The following SMAD9 variants were observed in gnomAD, a reference collection of about 807,000 sequenced individuals.
SMAD9 encodes MAD homolog 9.
Under a neutral mutation model 46.1 loss-of-function variants are expected in SMAD9, and 36 were observed. The ratio of observed to expected loss-of-function variants is 0.78; its 90% CI spans 0.60 to 1.03. The LOEUF is 1.03. SMAD9 is among the 50% of genes least tolerant of loss of function. The pLI is 0.00. For synonymous variants in SMAD9, 245 were observed against 237.1 expected (o/e 1.03, Z -0.31); for missense variants, 572 against 599.8 (o/e 0.95, Z 0.48).
rs1461451229 is a variant in SMAD9 at position 36,846,355 on chromosome 13, G to A, written c.*2321C>T. 6.6e-6 allele frequency: 1 copy of A among 151,172 alleles called. No individual in the cohort carries two copies. The highest frequency in any genetic ancestry group is 1.5e-5 in the Non-Finnish European group (1 of 68,000). The allele number at this position is 151,172 out of a possible 1,614,324, so 9.4% of individuals were successfully genotyped here. ...AATTAGCTGGGCGTGGTAGCCTGTA[G>A]TCCCAACTACTTGGGAGGCTGAGGC... On this transcript the variant is annotated 3_prime_UTR_variant, in exon 7 of 7. Coordinates refer to ENST00000379826, the MANE Select transcript of SMAD9 (RefSeq NM_001127217.3).
chr13:36,860,110 A>C (rs1344255961), intron 5 of SMAD9, among the ~76,000 whole-genome samples: 2 of 152,146 alleles, frequency 1.3e-5, no homozygotes, highest in African/African-American at 2.4e-5. Flanking sequence ...GATTTGCCTT[A>C]AATTCTTTCT....
chr13:36,847,808 G>C lies in SMAD9; in HGVS notation c.*868C>G, dbSNP rs1232807182. 6.6e-6 allele frequency: 1 copy of C among 152,212 alleles called. No homozygotes were observed. The highest frequency in any genetic ancestry group is 1.5e-5 in the Non-Finnish European group (1 of 68,044). 9.4% of individuals were successfully genotyped at this position (152,212 alleles called of 1,614,324 possible). A position where few individuals can be genotyped will look rare whatever the true frequency, so the allele number is the denominator to read the frequency against. ...TTCTTGACACAGGACTGAAACACAA[G>C]CTATTCTGGCACGCTGCGCAGACTC... On this transcript the variant is annotated 3_prime_UTR_variant, in exon 7 of 7. Coordinates refer to ENST00000379826, the MANE Select transcript of SMAD9 (RefSeq NM_001127217.3).
chr13:36,896,705 C>T (rs980003775), intron 1 of SMAD9, among the ~76,000 whole-genome samples: 6 of 151,994 alleles, frequency 3.9e-5, no homozygotes, highest in African/African-American at 1.2e-4. Flanking sequence ...CTAAAAAAGG[C>T]GGCTCAAATA....
At position 36,853,571 on chromosome 13, in the gene SMAD9, G is replaced by C; in HGVS notation, c.1108C>G (p.Pro370Ala). Residue 370 changes from proline to alanine, a missense_variant, in exon 6 of 7, where the codon CCA becomes GCA. By Grantham distance (27) the Pro-to-Ala change is conservative. Coordinates refer to ENST00000379826, the MANE Select transcript of SMAD9 (RefSeq NM_001127217.3). The stretch of plus-strand genomic sequence containing the variant: ...CTGGGGATCTTGCAGACGGTAGCTG[G>C]GTGGAAGCCGTGTTGATAGTTGCAG... ...RNCNYQHGFH[P>A]ATVCKIPSGC... 6.2e-7 allele frequency: 1 copy of C among 1,614,176 alleles called. No homozygotes were observed. Among genetic ancestry groups the C allele is most frequent in the Non-Finnish European group, 8.5e-7 (1 of 1,180,034 alleles).
intron 5 of SMAD9, among the ~76,000 whole-genome samples, chr13:36,858,941 G>A (rs904106177): frequency 1.3e-5 from 2 of 151,970 alleles, no homozygotes; most frequent in African/African-American, 4.8e-5. Flanking sequence ...GAACTCCTAC[G>A]CTCAAGCAAT....
intron 6 of SMAD9, chr13:36,849,844 A>C (rs1482217483): frequency 6.6e-6 from 1 of 152,114 alleles, no homozygotes; most frequent in Non-Finnish European, 1.5e-5. Flanking sequence ...CTTCCCAGAG[A>C]CATCATTCCA....
intron 5 of SMAD9, among the ~76,000 whole-genome samples, chr13:36,864,480 G>A (rs904144782): frequency 2.0e-5 from 3 of 152,188 alleles, no homozygotes; most frequent in Admixed American, 2.0e-4. Flanking sequence ...AACCCTTATG[G>A]ATGACATATC....
At chr13:36,852,082 CA>C (rs1373415425) in intron 6 of SMAD9, 1 of 974,842 alleles carries the variant, frequency 1.0e-6, no homozygotes, top group African/African-American at 1.8e-5. Flanking sequence ...TATATGCTTT[CA>C]AAACACTAAA....
Position 36,920,169 on chromosome 13 carries a change from C to G in SMAD9, c.-240G>C, listed in dbSNP as rs1468794273. On this transcript the variant is annotated 5_prime_UTR_variant, in exon 1 of 7. Coordinates refer to ENST00000379826, the MANE Select transcript of SMAD9 (RefSeq NM_001127217.3). ...AGGGCCCGGCGGCGGCGGCGGGGAC[C>G]GAGACAGCGGCTGCAGCAGCGGCGG... 6.8e-6 allele frequency: 1 copy of G among 147,400 alleles called. No homozygotes were observed. Among genetic ancestry groups the G allele is most frequent in the Non-Finnish European group, 1.4e-5 (1 of 72,418 alleles). The allele number at this position is 147,400 out of a possible 1,614,324, so 9.1% of individuals were successfully genotyped here.
chr13:36,918,830 G>A (rs1036258272), intron 1 of SMAD9, among the ~76,000 whole-genome samples: 1 of 152,216 alleles, frequency 6.6e-6, no homozygotes, highest in African/African-American at 2.4e-5. Context: ...AGACATGCTT[G>A]TAGTAGTCAC....
At chr13:36,882,238 T>C (rs2058409615) in intron 1 of SMAD9, among the ~76,000 whole-genome samples, 1 of 147,094 alleles carries the variant, frequency 6.8e-6, no homozygotes, top group South Asian at 2.1e-4. Context: ...TGTGTGTGTG[T>C]GTGTGTGTGT....
At chr13:36,899,030 CA>C (rs972237000) in intron 1 of SMAD9, among the ~76,000 whole-genome samples, 7 of 150,394 alleles carry the variant, frequency 4.7e-5, no homozygotes, top group South Asian at 4.2e-4. Context: ...AGAAATCTAC[CA>C]AAAAAAAATT....
intron 1 of SMAD9, among the ~76,000 whole-genome samples, chr13:36,893,125 A>G (rs971840402): frequency 4.6e-5 from 7 of 152,142 alleles, no homozygotes; most frequent in African/African-American, 1.7e-4. Flanking sequence ...TGTATATTAT[A>G]AGACATAGCA....
At chr13:36,918,645 T>C (rs1330547697) in intron 1 of SMAD9, among the ~76,000 whole-genome samples, 1 of 152,250 alleles carries the variant, frequency 6.6e-6, no homozygotes, top group Non-Finnish European at 1.5e-5. Flanking sequence ...CAGTCTAAAA[T>C]TGTGCTGATG....
At chr13:36,854,751 G>A (rs188780431) in intron 5 of SMAD9, among the ~76,000 whole-genome samples, 14 of 152,222 alleles carry the variant, frequency 9.2e-5, no homozygotes, top group Middle Eastern at 3.4e-3. Context: ...ACCTACCTCA[G>A]AGGAAACAAT....
At chr13:36,911,628 G>T (rs1054307779) in intron 1 of SMAD9, among the ~76,000 whole-genome samples, 31 of 118,314 alleles carry the variant, frequency 2.6e-4, no homozygotes, top group Non-Finnish European at 3.8e-4. Context: ...GGGGGGGGGG[G>T]GCGGGTGGAG....
rs1408073722 is a variant in SMAD9, at chr13:36,848,707, G to A, written c.1373C>T (p.Ser458Phe). 1.9e-6 allele frequency: 3 copies of A among 1,614,052 alleles called. No individual in the cohort carries two copies. The highest frequency in any genetic ancestry group is 4.5e-5 in the East Asian group (2 of 44,892). ...CACTGAAGAAATGGGGTTATGTGGA[G>A]AGCCCATCTGAGTCAGAACTTTGTC... Reference protein sequence around the residue: ...WLDKVLTQMGSPHNPISSVS With the variant: ...WLDKVLTQMGFPHNPISSVS Residue 458 changes from serine (S) to phenylalanine (F), a missense_variant, in exon 7 of 7, where the codon TCT becomes TTT. Ser to Phe is a radical substitution (Grantham distance 155). Transcript: ENST00000379826.
intron 5 of SMAD9, among the ~76,000 whole-genome samples, chr13:36,859,744 G>T (rs632618): frequency 0.21 from 31,188 of 151,938 alleles, 4,895 homozygotes; most frequent in African/African-American, 0.42. Context: ...GTGGATTGCC[G>T]GAGGTCGGGA....
At chr13:36,914,761 A>G (rs1266158376) in intron 1 of SMAD9, among the ~76,000 whole-genome samples, 1 of 152,182 alleles carries the variant, frequency 6.6e-6, no homozygotes, top group African/African-American at 2.4e-5. Context: ...TGGTACTACC[A>G]AGTCAGTTAA....
Sources: gnomAD v4.1 joint callset for allele counts (sites outside exome capture counted in the v4.1 genomes callset) on GRCh38, gnomAD v4.1.1 for gene constraint, MANE v1.5 for transcripts, NCBI Gene and HGNC (gene_info 2026-07-23, HGNC 2026-07-21) for gene names.